RGS20: variants seen among roughly 807,000 people sequenced by gnomAD.
RGS20 encodes gz-selective GTPase-activating protein.
In RGS20, 30 loss-of-function variants were observed where a neutral mutation model predicts 33.6. That is an observed-to-expected ratio of 0.89 (90% CI 0.67 to 1.21). RGS20 has a LOEUF of 1.21. Among genes scored for constraint, RGS20 ranks in the 50% most tolerant of loss-of-function variants. The pLI, the probability that RGS20 is intolerant of heterozygous loss-of-function variation, is 0.00. For synonymous variants in RGS20, 208 were observed against 197.9 expected, an observed-to-expected ratio of 1.05 and a Z score of -0.43; for missense variants, 472 against 502.4, an observed-to-expected ratio of 0.94 and a Z score of 0.58.
In RGS20 at chr8:53,879,473, C is replaced by G. The variant is rs1812293453; in HGVS notation, c.381C>G (p.Leu127=). The G allele has an allele frequency of 1.9e-6, 3 of 1,576,274 alleles. No individual in the cohort carries two copies. Among genetic ancestry groups the G allele is most frequent in the Non-Finnish European group, 8.6e-7 (1 of 1,164,726 alleles). ...GGCACGAGGAGCTGCCGGGCCGCCT[C>G]TCGCTCCTGCTCGGGGCGGCGCTGG... Residue 127 remains leucine, a synonymous_variant, in exon 2 of 6, where the codon CTC becomes CTG. Coordinates refer to ENST00000297313, the MANE Select transcript of RGS20 (RefSeq NM_170587.4).
chr8:53,898,860 A>G (rs558035723), intron 2 of RGS20, among the ~76,000 whole-genome samples: 1 of 152,330 alleles, frequency 6.6e-6, no homozygotes, highest in African/African-American at 2.4e-5. Flanking sequence ...CCAAGGAAAG[A>G]GTTTGCATTT....
intron 1 of RGS20, among the ~76,000 whole-genome samples, chr8:53,858,897 A>T (rs1811743088): frequency 6.6e-6 from 1 of 151,292 alleles, no homozygotes; most frequent in African/African-American, 2.4e-5. Flanking sequence ...ATGTTTAAAA[A>T]AAAAAAAAAA....
intron 2 of RGS20, among the ~76,000 whole-genome samples, chr8:53,936,831 C>G (rs967178897): frequency 1.3e-5 from 2 of 152,186 alleles, no homozygotes; most frequent in Non-Finnish European, 2.9e-5. Flanking sequence ...ATCACGCTAC[C>G]TGACTTTAAA....
intron 5 of RGS20, 31 bp downstream of exon 4, chr8:53,954,341 G>A: frequency 6.9e-7 from 1 of 1,442,118 alleles, no homozygotes; most frequent in Non-Finnish European, 9.7e-7. Context: ...TTTTCCCAAG[G>A]CTGTTGGTAA....
At chr8:53,884,653 C>T (rs895072890) in intron 2 of RGS20, among the ~76,000 whole-genome samples, 1 of 152,210 alleles carries the variant, frequency 6.6e-6, no homozygotes, top group Non-Finnish European at 1.5e-5. Flanking sequence ...AGACTTCTGA[C>T]TCATTCCCCA....
chr8:53,852,711 A>C (rs1811593263), intron 1 of RGS20, among the ~76,000 whole-genome samples: 1 of 152,246 alleles, frequency 6.6e-6, no homozygotes, highest in African/African-American at 2.4e-5. Context: ...TACTTGGCAT[A>C]GAATATGGAC....
At chr8:53,928,987 T>G (rs1221679609) in intron 2 of RGS20, among the ~76,000 whole-genome samples, 2 of 152,212 alleles carry the variant, frequency 1.3e-5, no homozygotes, top group African/African-American at 4.8e-5. Context: ...AAGGAATGAC[T>G]TATTGATATA....
At chr8:53,882,054 CG>C (rs978942341) in intron 2 of RGS20, among the ~76,000 whole-genome samples, 2 of 151,424 alleles carry the variant, frequency 1.3e-5, no homozygotes, top group African/African-American at 4.9e-5. Context: ...GCTCCGGGAC[CG>C]GGGTGGCTTT....
At position 53,881,223 on chromosome 8, in the gene RGS20, C is replaced by CCGGTGCGAGTCGGGGGTTCCCTCCCG. The variant is rs1554518807; in HGVS notation, c.510+1641_510+1642insCTCCCGCGGTGCGAGTCGGGGGTTCC. 179 of 616,886 alleles carry CCGGTGCGAGTCGGGGGTTCCCTCCCG rather than the reference C, an allele frequency of 2.9e-4. No individual in the cohort carries two copies. In the African/African-American group the frequency reaches 3.3e-3, roughly 11 times the overall value. The allele number at this position is 616,886 out of a possible 1,614,324, so 38.2% of individuals were successfully genotyped here. A position where few individuals can be genotyped will look rare whatever the true frequency, so the allele number is the denominator to read the frequency against. Reference sequence around the variant, plus strand: ...TGTCGCCGTTGCTGCGGGGCGGGAGCCGGTGCGAGTCGGGGGTTCCTTCCC... The same window carrying CCGGTGCGAGTCGGGGGTTCCCTCCCG: ...TGTCGCCGTTGCTGCGGGGCGGGAGCCGGTGCGAGTCGGGGGTTCCCTCCCGCGGTGCGAGTCGGGGGTTCCTTCCC... On this transcript the variant is annotated intron_variant, in intron 2 of 5. Coordinates refer to ENST00000297313, the MANE Select transcript of RGS20 (RefSeq NM_170587.4).
intron 2 of RGS20, among the ~76,000 whole-genome samples, chr8:53,898,276 G>A (rs1456174685): frequency 6.6e-6 from 1 of 152,180 alleles, no homozygotes; most frequent in East Asian, 1.9e-4. Flanking sequence ...GAGGATACCA[G>A]ATGTTACCCA....
chr8:53,942,373 G>A lies in RGS20; in HGVS notation c.659+2649G>A, dbSNP rs528597011. 1.5e-3 allele frequency among the ~76,000 whole-genome samples: 230 copies of A among 151,834 alleles called. 2 individuals carry two copies. Among genetic ancestry groups the A allele is most frequent in the African/African-American group, 5.1e-3 (209 of 41,376 alleles). On this transcript the variant is annotated intron_variant, in intron 3 of 5. Transcript: ENST00000297313. ...CTCAGGAGGCTGAGGTGGGAGGATCGCTTGAGCCCAGGGAGGTTGAGGCTG... is the reference window on the plus strand; with the variant it reads ...CTCAGGAGGCTGAGGTGGGAGGATCACTTGAGCCCAGGGAGGTTGAGGCTG...
At chr8:53,925,548 T>C (rs554513611) in intron 2 of RGS20, among the ~76,000 whole-genome samples, 3 of 152,008 alleles carry the variant, frequency 2.0e-5, no homozygotes, top group East Asian at 3.9e-4. Flanking sequence ...GAGGCCAAGG[T>C]GGGCGGATCA....
intron 2 of RGS20, among the ~76,000 whole-genome samples, chr8:53,933,089 A>G (rs771181250): frequency 6.6e-6 from 1 of 152,220 alleles, no homozygotes; most frequent in Non-Finnish European, 1.5e-5. Context: ...ACGTCCACAC[A>G]GAAACCCCAT....
intron 1 of RGS20, among the ~76,000 whole-genome samples, chr8:53,856,563 A>T (rs1245362906): frequency 6.6e-6 from 1 of 152,084 alleles, no homozygotes; most frequent in Non-Finnish European, 1.5e-5. Context: ...GTTTCCTTTC[A>T]GGGCAAGAAT....
intron 2 of RGS20, among the ~76,000 whole-genome samples, chr8:53,892,797 T>C (rs1488557887): frequency 6.6e-6 from 1 of 152,244 alleles, no homozygotes; most frequent in Non-Finnish European, 1.5e-5. Context: ...TAAACATTTA[T>C]ATTTTGATAT....
chr8:53,937,499 A>G (rs1187466534), intron 2 of RGS20, among the ~76,000 whole-genome samples: 2 of 152,114 alleles, frequency 1.3e-5, no homozygotes, highest in African/African-American at 4.8e-5. Flanking sequence ...TAAAACACCA[A>G]AAGCAATGGT....
rs535720806 is a variant in RGS20 at position 53,945,126 on chromosome 8, A to C, written c.660-1539A>C. On this transcript the variant is annotated intron_variant, in intron 3 of 5. Transcript: ENST00000297313. ...AGGTTTCTACTTGAGAGAAACACAA[A>C]TATATGTTCGCACGTACTTGCACAG... is the stretch of plus-strand genomic sequence containing the variant. Among the ~76,000 whole-genome samples, 3 of 152,328 alleles carry C rather than the reference A, an allele frequency of 2.0e-5. 1 individual carries two copies. In the Middle Eastern group the frequency reaches 0.01, roughly 518 times the overall value.
intron 2 of RGS20, among the ~76,000 whole-genome samples, chr8:53,888,800 A>G (rs1812619540): frequency 6.6e-6 from 1 of 152,116 alleles, no homozygotes; most frequent in South Asian, 2.1e-4. Context: ...CTGCTTTTAA[A>G]CTTCATATGT....
At chr8:53,947,166 ACT>A (rs922104822) in intron 4 of RGS20, among the ~76,000 whole-genome samples, 1 of 146,148 alleles carries the variant, frequency 6.8e-6, no homozygotes, top group Non-Finnish European at 1.5e-5. Flanking sequence ...ATATTTATAC[ACT>A]CTATATAAGA....
Sources: allele counts gnomAD v4.1 joint callset (sites outside exome capture counted in the v4.1 genomes callset), GRCh38; gene constraint gnomAD v4.1.1; transcripts MANE v1.5; gene names NCBI Gene and HGNC (gene_info 2026-07-23, HGNC 2026-07-21).